Variants in IDUA observed in about 807,000 individuals in gnomAD.
IDUA encodes iduronidase alpha-L-.
A neutral mutation model predicts 68.9 loss-of-function variants in IDUA; 65 were observed. The ratio of observed to expected loss-of-function variants is 0.94; its 90% CI spans 0.77 to 1.16. The LOEUF (loss-of-function observed/expected upper bound fraction) is 1.16, where lower values mean the gene tolerates loss of function less well. Ranked by LOEUF, IDUA falls within the 50% of genes most tolerant of loss-of-function variation. The pLI, the probability that IDUA is intolerant of heterozygous loss-of-function variation, is 0.00. For missense variants in IDUA, 1,046 were observed against 938.0 expected (o/e 1.12, Z -1.50); for synonymous variants, 529 against 433.6 (o/e 1.22, Z -2.73).
chr4:1,002,586 C>T (rs1715162885), intron 8 of IDUA, 101 bp downstream of exon 8: 7 of 1,247,148 alleles, frequency 5.6e-6, no homozygotes, highest in Admixed American at 3.6e-5. Flanking sequence ...TCCAGCCGCG[C>T]GCTTCCCGGG....
rs794726877 is a variant in IDUA at position 987,236 on chromosome 4, G to A, written c.152G>A (p.Gly51Asp). ...WPLRRFWRST[G>D]FCPPLPHSQA... Reference sequence around the variant, plus strand: ...CTGCGGCGCTTCTGGAGGAGCACAGGCTTCTGGTGAGCGCTCCGCGGCCTC... The same window carrying A: ...CTGCGGCGCTTCTGGAGGAGCACAGACTTCTGGTGAGCGCTCCGCGGCCTC... Residue 51 changes from glycine (G) to aspartate (D), a missense_variant, in exon 1 of 14, where the codon GGC becomes GAC. By Grantham distance (94) the Gly-to-Asp change is moderately conservative (BLOSUM62 -1). Coordinates refer to ENST00000514224, the MANE Select transcript of IDUA (RefSeq NM_000203.5). 6.0e-6 allele frequency: 9 copies of A among 1,512,474 alleles called. No individual in the cohort carries two copies. Among genetic ancestry groups the A allele is most frequent in the South Asian group, 2.4e-5 (2 of 81,730 alleles). The allele number at this position is 1,512,474 out of a possible 1,614,324, so 93.7% of individuals were successfully genotyped here.
At chr4:993,863 G>A (rs1389292104) in intron 2 of IDUA, among the ~76,000 whole-genome samples, 2 of 152,218 alleles carry the variant, frequency 1.3e-5, no homozygotes, top group Non-Finnish European at 2.9e-5. Context: ...GGCTGCCGGT[G>A]CGTGCATATG....
At chr4:991,833 C>T (rs1186464025) in intron 2 of IDUA, 3 of 1,531,182 alleles carry the variant, frequency 2.0e-6, no homozygotes, top group South Asian at 1.2e-5. Flanking sequence ...CCCTCGCCCA[C>T]CCAGGGCCGG....
chr4:990,660 C>T (rs1255593144), intron 2 of IDUA: 30 of 469,316 alleles, frequency 6.4e-5, no homozygotes, highest in East Asian at 1.1e-4. Flanking sequence ...ATTAAGACCT[C>T]TGGTATCAGA....
chr4:987,574 C>G, intron 1 of IDUA: 1 of 1,371,496 alleles, frequency 7.3e-7, no homozygotes, highest in South Asian at 1.5e-5. Context: ...ACCCGCCTTC[C>G]TGGCAGGGCC....
intron 4 of IDUA, 124 bp downstream of exon 4, chr4:1,001,113 G>T (rs957531360): frequency 1.3e-4 from 92 of 723,244 alleles, no homozygotes; most frequent in South Asian, 4.0e-4. Context: ...AGGCCCTTGT[G>T]GGGGGATGGG....
rs370847691 is a variant in IDUA at position 1,002,060 on chromosome 4, G to A, written c.871G>A (p.Ala291Thr). 3 of 1,595,540 alleles carry A rather than the reference G, an allele frequency of 1.9e-6. No individual in the cohort carries two copies. The highest frequency in any genetic ancestry group is 2.6e-6 in the Non-Finnish European group (3 of 1,172,764). Residue 291 changes from alanine (A) to threonine (T), a missense_variant, in exon 7 of 14, where the codon GCG becomes ACG. Physicochemically the swap from Ala to Thr is moderately conservative, Grantham distance 58. Coordinates refer to ENST00000514224, the MANE Select transcript of IDUA (RefSeq NM_000203.5). ...QQIRQLFPKF[A>T]DTPIYNDEAD... Reference sequence around the variant, plus strand: ...GATCCGGCAGCTCTTCCCCAAGTTCGCGGACACCCCCATTTACAACGACGA... The same window carrying A: ...GATCCGGCAGCTCTTCCCCAAGTTCACGGACACCCCCATTTACAACGACGA...
intron 2 of IDUA, chr4:990,863 A>G (rs1714235254): frequency 2.0e-6 from 1 of 488,842 alleles, no homozygotes; most frequent in African/African-American, 2.0e-5. Context: ...AGCCACAGCC[A>G]CACCTGGCCT....
Position 1,002,720 on chromosome 4 carries a change from C to A in IDUA, c.1190-12C>A. 7 of 1,458,500 alleles carry A rather than the reference C, an allele frequency of 4.8e-6. No homozygotes were observed. Among genetic ancestry groups the A allele is most frequent in the South Asian group, 1.3e-5 (1 of 77,470 alleles). 90.3% of individuals were successfully genotyped at this position (1,458,500 alleles called of 1,614,324 possible). ...CGACCCCACGCGGCGACGGCCCCCC[C>A]CCGCCCCGCAGATGAGGAGCAGCTC... On this transcript the variant is annotated splice_polypyrimidine_tract_variant and intron_variant, in intron 8 of 13. Transcript: ENST00000514224.
chr4:987,469 C>T (rs1012417808), intron 1 of IDUA, among the ~76,000 whole-genome samples: 1 of 152,216 alleles, frequency 6.6e-6, no homozygotes, highest in Non-Finnish European at 1.5e-5. Context: ...CGGGATCCTG[C>T]TCTTTGAGGT....
chr4:991,515 G>T lies in IDUA; in HGVS notation c.299+3566G>T, dbSNP rs941971930. ...CGCCTGCCAGGTACTCCCGCGGGCG[G>T]TACTGACGCAGCCAGCGCGTGGCGG... On this transcript the variant is annotated intron_variant, in intron 2 of 13. Transcript: ENST00000514224. The T allele has an allele frequency of 9.3e-6, 15 of 1,608,584 alleles. No individual in the cohort carries two copies. The Admixed American group carries it at 1.2e-4, about 13-fold the overall frequency.
chr4:991,361 T>A (rs1429895979), intron 2 of IDUA: 1 of 1,612,444 alleles, frequency 6.2e-7, no homozygotes, highest in African/African-American at 1.3e-5. Flanking sequence ...GAGGTGCCCA[T>A]GAGGAAGTAG....
chr4:988,271 T>C (rs1713905857), intron 2 of IDUA: 1 of 1,208,872 alleles, frequency 8.3e-7, no homozygotes, highest in Non-Finnish European at 1.0e-6. Flanking sequence ...ACCTGAGGGC[T>C]GAGCTGAGGT....
At chr4:992,219 C>T (rs1439201866) in intron 2 of IDUA, 2 of 458,298 alleles carry the variant, frequency 4.4e-6, no homozygotes, top group Non-Finnish European at 8.8e-6. Flanking sequence ...GTCCACCTCC[C>T]TGGCTCCCCA....
Position 989,053 on chromosome 4 carries a change from G to A in IDUA, c.299+1104G>A, listed in dbSNP as rs387907484. ...GTAGTCTCGGCGCAGGTCCTGCAGC[G>A]TGCTCACACCGGCTGCGTCTAGGAA... On this transcript the variant is annotated intron_variant, in intron 2 of 13. Coordinates refer to ENST00000514224, the MANE Select transcript of IDUA (RefSeq NM_000203.5). The A allele has an allele frequency of 1.5e-5, 23 of 1,585,190 alleles. No homozygotes were observed. The highest frequency in any genetic ancestry group is 3.4e-5 in the South Asian group (3 of 87,762).
intron 2 of IDUA, among the ~76,000 whole-genome samples, chr4:998,133 T>G (rs1037000822): frequency 6.6e-6 from 1 of 150,568 alleles, no homozygotes. Context: ...GGAGGAGAGG[T>G]GGTAGGGGCC....
chr4:991,190 C>A lies in IDUA; in HGVS notation c.299+3241C>A, dbSNP rs755127826. On this transcript the variant is annotated intron_variant, in intron 2 of 13. Coordinates refer to ENST00000514224, the MANE Select transcript of IDUA (RefSeq NM_000203.5). ...ACACGGATGGCGTAGCAGTCACGCC[C>A]GCAGTCCAGCATGGCAGCCGAGCCG... 6 of 1,594,008 alleles carry A rather than the reference C, an allele frequency of 3.8e-6. No individual in the cohort carries two copies. The South Asian group carries it at 6.8e-5, about 18-fold the overall frequency.
chr4:1,004,119 C>A lies in IDUA; in HGVS notation c.1828+7C>A. ...CTCTTTGTGTTCAGCCCAGGTGCGC[C>A]CACCACCCGCTGCCCTGGACTCGGC... is the stretch of plus-strand genomic sequence containing the variant. On this transcript the variant is annotated splice_region_variant and intron_variant, in intron 13 of 13. Coordinates refer to ENST00000514224, the MANE Select transcript of IDUA (RefSeq NM_000203.5). The surrounding 1 kb of genome is among the most constrained non-coding windows in gnomAD (Gnocchi z 5.0). The A allele has an allele frequency of 6.2e-7, 1 of 1,612,730 alleles. No individual in the cohort carries two copies. The highest frequency in any genetic ancestry group is 2.2e-5 in the East Asian group (1 of 44,864).
In IDUA at chr4:1,003,357, G is replaced by T. The variant is rs1407653417; in HGVS notation, c.1537G>T (p.Ala513Ser). ...RMRAAEDPVA[A>S]APRPLPAGGR... The stretch of plus-strand genomic sequence containing the variant: ...CCACTGCGCCCAGGACCCGGTGGCC[G>T]CGGCGCCCCGCCCCTTACCCGCCGG... The change falls in exon 11 of 14, where the codon GCG (alanine) becomes TCG (serine). Residue 513 changes from alanine to serine, a missense_variant. Transcript: ENST00000514224. 1 of 1,457,144 alleles carries T rather than the reference G, an allele frequency of 6.9e-7. No individual in the cohort carries two copies. The highest frequency in any genetic ancestry group is 2.7e-5 in the Admixed American group (1 of 37,590). The allele number at this position is 1,457,144 out of a possible 1,614,324, so 90.3% of individuals were successfully genotyped here.
Sources: allele counts gnomAD v4.1 joint callset (sites outside exome capture counted in the v4.1 genomes callset), GRCh38; gene constraint gnomAD v4.1.1; non-coding constraint Gnocchi (gnomAD v3.1); transcripts MANE v1.5; gene names NCBI Gene and HGNC (gene_info 2026-07-23, HGNC 2026-07-21).